Variants in FMN1 observed in about 807,000 individuals in gnomAD.
FMN1 encodes the protein formin 1, also known as formin-1.
In FMN1, 110 loss-of-function variants were observed where a neutral mutation model predicts 132.4. That is an observed-to-expected ratio of 0.83 (90% CI 0.71 to 0.97). The LOEUF is 0.97. Among genes scored for constraint, FMN1 ranks in the 50% least tolerant of loss-of-function variants. The pLI, the probability that FMN1 is intolerant of heterozygous loss-of-function variation, is 0.00. For missense variants in FMN1, 1,792 were observed against 1,705.3 expected (o/e 1.05, Z -0.90); for synonymous variants, 722 against 651.7 (o/e 1.11, Z -1.64).
chr15:32,809,621 C>CT (rs2057803949), intron 17 of FMN1, among the ~76,000 whole-genome samples: 1 of 152,114 alleles, frequency 6.6e-6, no homozygotes, highest in Admixed American at 6.5e-5. Context: ...CCTTGCCCTT[C>CT]TCCCTTCTCC....
intron 9 of FMN1, among the ~76,000 whole-genome samples, chr15:32,927,831 G>A (rs2061001025): frequency 6.6e-6 from 1 of 152,210 alleles, no homozygotes; most frequent in African/African-American, 2.4e-5. Flanking sequence ...TGTTTTTAAT[G>A]TGCTTTGCTG....
intron 4 of FMN1, among the ~76,000 whole-genome samples, chr15:33,132,901 T>C (rs1963608326): frequency 1.3e-5 from 2 of 152,160 alleles, no homozygotes; most frequent in African/African-American, 4.8e-5. Context: ...GTTGTTAGTC[T>C]GTGAGCACAC....
chr15:32,874,892 A>G (rs937952915), intron 16 of FMN1, among the ~76,000 whole-genome samples: 13 of 152,236 alleles, frequency 8.5e-5, no homozygotes, highest in African/African-American at 2.2e-4. Context: ...AAGACCATCA[A>G]AATGGTCCAG....
At chr15:32,872,241 T>C (rs1345305322) in intron 16 of FMN1, among the ~76,000 whole-genome samples, 2 of 152,218 alleles carry the variant, frequency 1.3e-5, no homozygotes, top group African/African-American at 4.8e-5. Context: ...ATCAACAATA[T>C]CAAGTAATCA....
At chr15:33,012,856 G>A in intron 6 of FMN1, 1 of 604,082 alleles carries the variant, frequency 1.7e-6, no homozygotes, top group Non-Finnish European at 3.1e-6. Context: ...TAATGAATTT[G>A]GTAATGATGG....
intron 16 of FMN1, 65 bp from the exon 17 acceptor site, chr15:32,857,172 G>T: frequency 8.1e-7 from 1 of 1,237,750 alleles, no homozygotes; most frequent in Non-Finnish European, 1.2e-6. Flanking sequence ...CTATGGGCCA[G>T]GTACTGTGCT....
intron 10 of FMN1, among the ~76,000 whole-genome samples, chr15:32,915,478 C>G (rs2060662635): frequency 6.6e-6 from 1 of 152,192 alleles, no homozygotes; most frequent in Non-Finnish European, 1.5e-5. Context: ...CGGCGTCACC[C>G]AAGATCAGAT....
intron 10 of FMN1, among the ~76,000 whole-genome samples, chr15:32,922,420 C>G (rs2060852527): frequency 6.6e-6 from 1 of 152,124 alleles, no homozygotes; most frequent in South Asian, 2.1e-4. Flanking sequence ...GCTTAATCAC[C>G]ATAGAAATTC....
In FMN1 at chr15:33,024,223, A is replaced by ATTTTTTTTTTTTTTTTTTT. The variant is rs555760509; in HGVS notation, c.2162-16167_2162-16149dup. On this transcript the variant is annotated intron_variant, in intron 6 of 20. Coordinates refer to ENST00000616417, the MANE Select transcript of FMN1 (RefSeq NM_001277313.2). Reference sequence around the variant, plus strand: ...GGGAATACTATTTCACACCTATCAGATTTTTTTTTTTTTTTTTTTTTTTTT... The same window carrying ATTTTTTTTTTTTTTTTTTT: ...GGGAATACTATTTCACACCTATCAGATTTTTTTTTTTTTTTTTTTTTTTTTTTTTTTTTTTTTTTTTTTT... Among the ~76,000 whole-genome samples, 17 of 88,014 alleles carry ATTTTTTTTTTTTTTTTTTT rather than the reference A, an allele frequency of 1.9e-4. 4 individuals are homozygous for ATTTTTTTTTTTTTTTTTTT. Among genetic ancestry groups the ATTTTTTTTTTTTTTTTTTT allele is most frequent in the East Asian group, 1.9e-3 (4 of 2,086 alleles). 57.7% of individuals were successfully genotyped at this position (88,014 alleles called of 152,430 possible). A position where few individuals can be genotyped will look rare whatever the true frequency, so the allele number is the denominator to read the frequency against.
intron 17 of FMN1, among the ~76,000 whole-genome samples, chr15:32,804,666 C>G (rs976923726): frequency 6.8e-6 from 1 of 147,468 alleles, no homozygotes; most frequent in African/African-American, 2.5e-5. Flanking sequence ...CCCCAGCCCC[C>G]CACCCCCCAA....
intron 9 of FMN1, among the ~76,000 whole-genome samples, chr15:32,935,642 T>C (rs1027830261): frequency 4.6e-5 from 7 of 152,036 alleles, no homozygotes; most frequent in African/African-American, 1.7e-4. Flanking sequence ...TCTTTTTTTT[T>C]TTTGAGACGG....
intron 5 of FMN1, among the ~76,000 whole-genome samples, chr15:33,088,178 A>AC (rs2038772356): frequency 6.6e-6 from 1 of 152,140 alleles, no homozygotes; most frequent in Non-Finnish European, 1.5e-5. Context: ...ATGTAACCAA[A>AC]CACCACCTGT....
chr15:33,183,269 G>A (rs912170861), intron 2 of FMN1, among the ~76,000 whole-genome samples: 3 of 152,168 alleles, frequency 2.0e-5, no homozygotes, highest in Non-Finnish European at 4.4e-5. Flanking sequence ...ATAGGTTGTT[G>A]TCAAGATAAA....
chr15:32,891,308 T>A (rs1187906416), intron 15 of FMN1, among the ~76,000 whole-genome samples: 1 of 152,158 alleles, frequency 6.6e-6, no homozygotes, highest in African/African-American at 2.4e-5. Context: ...AGTGCAGTGA[T>A]GCGATGTTGG....
chr15:32,939,747 A>C (rs766153298), intron 9 of FMN1, among the ~76,000 whole-genome samples: 23 of 152,186 alleles, frequency 1.5e-4, no homozygotes, highest in Non-Finnish European at 3.1e-4. Flanking sequence ...GCTTGAAAGA[A>C]ATCAAATTCA....
At chr15:32,936,384 C>G (rs78973701) in intron 9 of FMN1, among the ~76,000 whole-genome samples, 9,614 of 152,198 alleles carry the variant, frequency 0.063, 428 homozygotes, top group Middle Eastern at 0.15. Flanking sequence ...CAGCTAGTGT[C>G]TCTGGGGGAT....
At position 32,997,794 on chromosome 15, in the gene FMN1, C is replaced by G. The variant is rs372882578; in HGVS notation, c.2223+10220G>C. ...TCTTTCACTTACACTTCCAAAGCTG[C>G]TGCCCTTTCAATTCCTTCAATAGCC... On this transcript the variant is annotated intron_variant, in intron 7 of 20. Transcript: ENST00000616417. 3.3e-5 allele frequency among the ~76,000 whole-genome samples: 5 copies of G among 152,130 alleles called. No individual in the cohort carries two copies. The East Asian group carries it at 7.7e-4, about 23-fold the overall frequency.
intron 16 of FMN1, among the ~76,000 whole-genome samples, chr15:32,862,175 G>T (rs931568221): frequency 5.3e-5 from 8 of 152,232 alleles, no homozygotes; most frequent in Non-Finnish European, 1.0e-4. Context: ...GAGACTGGCA[G>T]TGCATAAAGG....
At chr15:32,775,455 G>A (rs1258734) in intron 20 of FMN1, among the ~76,000 whole-genome samples, 91,667 of 151,912 alleles carry the variant, frequency 0.6, 28,673 homozygotes, top group Non-Finnish European at 0.68. Flanking sequence ...GGGGGAACAA[G>A]CTTGGCTGTA....
Sources: gnomAD v4.1 joint callset for allele counts (sites outside exome capture counted in the v4.1 genomes callset) on GRCh38, gnomAD v4.1.1 for gene constraint, MANE v1.5 for transcripts, NCBI Gene and HGNC (gene_info 2026-07-23, HGNC 2026-07-21) for gene names.